Variants in MSI2 observed in about 807,000 individuals in gnomAD.
The protein encoded by MSI2 is musashi RNA binding protein 2, also known as RNA-binding protein Musashi homolog 2.
Under a neutral mutation model 45.6 loss-of-function variants are expected in MSI2, and 17 were observed. The ratio of observed to expected loss-of-function variants is 0.37; its 90% CI spans 0.26 to 0.56. The LOEUF (loss-of-function observed/expected upper bound fraction) is 0.56. Ranked by LOEUF, MSI2 falls within the 20% of genes least tolerant of loss-of-function variation. The probability of loss-of-function intolerance (pLI) is 0.77; values close to 1 mark genes in which losing one functional copy is unlikely to be tolerated. For synonymous variants in MSI2, 156 were observed against 158.2 expected, an observed-to-expected ratio of 0.99 and a Z score of 0.11; for missense variants, 293 against 444.2, an observed-to-expected ratio of 0.66 and a Z score of 3.06.
intron 7 of MSI2, among the ~76,000 whole-genome samples, chr17:57,573,502 A>C (rs2087933273): frequency 6.6e-6 from 1 of 152,182 alleles, no homozygotes; most frequent in South Asian, 2.1e-4. Context: ...CTCTGCCCTC[A>C]ATGAGGAAGC....
In MSI2 at chr17:57,589,080, T is replaced by G. The variant is rs770570566; in HGVS notation, c.455-7788T>G. Among the ~76,000 whole-genome samples the G allele has an allele frequency of 7.8e-4, 118 of 152,144 alleles. 3 individuals carry two copies. Among genetic ancestry groups the G allele is most frequent in the Non-Finnish European group, 2.2e-4 (15 of 68,030 alleles). On this transcript the variant is annotated intron_variant, in intron 7 of 13. Transcript: ENST00000284073. ...ACCTTTGGGAAGCAGATGCGAGTTG[T>G]AATGGAAGGAATCCTAGCCCTTCCC...
At position 57,405,759 on chromosome 17, in the gene MSI2, T is replaced by A. The variant is rs572991695; in HGVS notation, c.405+4288T>A. Among the ~76,000 whole-genome samples the A allele has an allele frequency of 4.6e-5, 7 of 152,348 alleles. No individual in the cohort carries two copies. The South Asian group carries it at 1.5e-3, about 32-fold the overall frequency. On this transcript the variant is annotated intron_variant, in intron 6 of 13. Coordinates refer to ENST00000284073, the MANE Select transcript of MSI2 (RefSeq NM_138962.4). Reference sequence around the variant, plus strand: ...TGTAATTAATGACACTCGGAATTTTTGAGGTCCAGGTTTTACTATGAAGAT... The same window carrying A: ...TGTAATTAATGACACTCGGAATTTTAGAGGTCCAGGTTTTACTATGAAGAT...
intron 6 of MSI2, among the ~76,000 whole-genome samples, chr17:57,404,610 C>T (rs2084050004): frequency 6.6e-6 from 1 of 152,118 alleles, no homozygotes; most frequent in Admixed American, 6.5e-5. Context: ...GTGTACCACT[C>T]TCTTTTTAGG....
At chr17:57,471,639 A>G (rs1324217415) in intron 6 of MSI2, among the ~76,000 whole-genome samples, 4 of 152,124 alleles carry the variant, frequency 2.6e-5, no homozygotes, top group African/African-American at 4.8e-5. Context: ...TTTTCTCCAG[A>G]TGAAGAAGTC....
In MSI2 at chr17:57,530,436, A is replaced by C. The variant is rs1598371842; in HGVS notation, c.454+712A>C. Among the ~76,000 whole-genome samples, 3 of 152,334 alleles carry C rather than the reference A, an allele frequency of 2.0e-5. No individual in the cohort carries two copies. In the South Asian group the frequency reaches 6.2e-4, roughly 32 times the overall value. ...TCTCTTCCTTCCCCAAAAAGAACAC[A>C]TTAAATTTATTGCTTTAAACAGAAA... On this transcript the variant is annotated intron_variant, in intron 7 of 13. Transcript: ENST00000284073.
chr17:57,480,775 T>C (rs2085633790), intron 6 of MSI2, among the ~76,000 whole-genome samples: 3 of 152,226 alleles, frequency 2.0e-5, no homozygotes, highest in African/African-American at 7.2e-5. Flanking sequence ...TTTGCCTAGG[T>C]AACTTGGCAT....
chr17:57,641,184 A>G (rs1428946965), intron 10 of MSI2, among the ~76,000 whole-genome samples: 3 of 152,194 alleles, frequency 2.0e-5, no homozygotes, highest in African/African-American at 7.2e-5. Context: ...AGGAGACAGA[A>G]GTGGTGGAGC....
At chr17:57,383,147 AG>A (rs1259941770) in intron 5 of MSI2, among the ~76,000 whole-genome samples, 3 of 152,226 alleles carry the variant, frequency 2.0e-5, no homozygotes, top group Non-Finnish European at 4.4e-5. Flanking sequence ...ACAGGAAATG[AG>A]TTGTTCTGAG....
intron 5 of MSI2, among the ~76,000 whole-genome samples, chr17:57,338,823 C>T (rs1199257607): frequency 6.6e-6 from 1 of 152,192 alleles, no homozygotes; most frequent in Non-Finnish European, 1.5e-5. Flanking sequence ...CCTGTCTTCA[C>T]CTACAGGGGC....
At chr17:57,556,942 C>G (rs945393197) in intron 7 of MSI2, among the ~76,000 whole-genome samples, 2 of 152,146 alleles carry the variant, frequency 1.3e-5, no homozygotes, top group Non-Finnish European at 2.9e-5. Context: ...GCTGTCATGG[C>G]CACCTTCTCA....
At chr17:57,463,083 G>A (rs2085262056) in intron 6 of MSI2, among the ~76,000 whole-genome samples, 1 of 152,210 alleles carries the variant, frequency 6.6e-6, no homozygotes, top group South Asian at 2.1e-4. Flanking sequence ...TAGCTTGGAG[G>A]ACGCTAGTCC....
At chr17:57,610,383 C>CGG (rs1567934781) in intron 8 of MSI2, among the ~76,000 whole-genome samples, 1 of 151,922 alleles carries the variant, frequency 6.6e-6, no homozygotes, top group Non-Finnish European at 1.5e-5. Flanking sequence ...ACCCGGGAGG[C>CGG]GGAGGTTGCA....
intron 5 of MSI2, among the ~76,000 whole-genome samples, chr17:57,352,875 G>A (rs1414521086): frequency 2.0e-5 from 3 of 152,198 alleles, no homozygotes; most frequent in Non-Finnish European, 4.4e-5. Context: ...GCCCTGCTGG[G>A]CACTGAGCAA....
At chr17:57,511,587 CG>C (rs2086357174) in intron 6 of MSI2, among the ~76,000 whole-genome samples, 1 of 152,074 alleles carries the variant, frequency 6.6e-6, no homozygotes, top group Non-Finnish European at 1.5e-5. Context: ...CTCGTGCGTA[CG>C]GATGTTGTTT....
At chr17:57,436,474 A>G (rs2084692620) in intron 6 of MSI2, among the ~76,000 whole-genome samples, 1 of 152,244 alleles carries the variant, frequency 6.6e-6, no homozygotes. Context: ...TCCAAAAAGT[A>G]TGGACTAAAG....
intron 6 of MSI2, among the ~76,000 whole-genome samples, chr17:57,429,744 A>C (rs902264261): frequency 3.3e-5 from 5 of 152,182 alleles, no homozygotes; most frequent in Non-Finnish European, 5.9e-5. Context: ...TTAAAAAAAA[A>C]AAAAAACAAT....
chr17:57,636,313 C>T (rs567198463), intron 10 of MSI2, among the ~76,000 whole-genome samples: 68 of 152,290 alleles, frequency 4.5e-4, no homozygotes, highest in Middle Eastern at 3.4e-3. Context: ...CACTCACCTG[C>T]CAGATCTGTC....
chr17:57,509,947 A>G (rs2086316037), intron 6 of MSI2, among the ~76,000 whole-genome samples: 1 of 152,054 alleles, frequency 6.6e-6, no homozygotes, highest in Admixed American at 6.5e-5. Flanking sequence ...TTGTGCCACA[A>G]TCAGTCACTG....
chr17:57,329,073 T>C (rs1434481947), intron 5 of MSI2, among the ~76,000 whole-genome samples: 3 of 151,578 alleles, frequency 2.0e-5, no homozygotes, highest in Non-Finnish European at 2.9e-5. Flanking sequence ...GTGAGGGGAG[T>C]GGAGACTCTA....
Sources: gnomAD v4.1 joint callset for allele counts (sites outside exome capture counted in the v4.1 genomes callset) on GRCh38, gnomAD v4.1.1 for gene constraint, MANE v1.5 for transcripts, NCBI Gene and HGNC (gene_info 2026-07-23, HGNC 2026-07-21) for gene names.